ERCC6: variants seen among roughly 807,000 people sequenced by gnomAD.
ERCC6 encodes DNA excision repair protein ERCC-6.
Under a neutral mutation model 158.7 loss-of-function variants are expected in ERCC6, and 116 were observed. The observed-to-expected ratio is 0.73, with a 90% CI of 0.63 to 0.85. The LOEUF (loss-of-function observed/expected upper bound fraction) is 0.85, where lower values mean the gene tolerates loss of function less well. Ranked by LOEUF, ERCC6 falls within the 40% of genes least tolerant of loss-of-function variation. The pLI, the probability that ERCC6 is intolerant of heterozygous loss-of-function variation, is 0.00. For synonymous variants in ERCC6, 678 were observed against 659.3 expected, an observed-to-expected ratio of 1.03 and a Z score of -0.43; for missense variants, 1,698 against 1,799.4, an observed-to-expected ratio of 0.94 and a Z score of 1.02.
At chr10:49,447,633 G>T in the ERCC6 span, among the ~76,000 whole-genome samples, 1 of 152,092 alleles carries the variant, frequency 6.6e-6, no homozygotes, top group Admixed American at 6.5e-5. Flanking sequence ...GAACCTGGGA[G>T]GTGGAGCTTG....
chr10:49,474,790 G>A lies in ERCC6; in HGVS notation c.2383-548C>T, dbSNP rs866222553. Among the ~76,000 whole-genome samples the A allele has an allele frequency of 3.9e-5, 6 of 152,234 alleles. No individual in the cohort carries two copies. In the South Asian group the frequency reaches 6.2e-4, roughly 16 times the overall value. On this transcript the variant is annotated intron_variant, in intron 12 of 20. Transcript: ENST00000355832. ...GAAAAATGCACGAATAGGAATGCAC[G>A]AATGGGAAAGATATGGTCCATGCAG...
chr10:49,471,099 C>G lies in ERCC6; in HGVS notation c.2946G>C (p.Leu982Phe). 1 of 1,613,654 alleles carries G rather than the reference C, an allele frequency of 6.2e-7. No individual in the cohort carries two copies. The highest frequency in any genetic ancestry group is 2.2e-5 in the East Asian group (1 of 44,856). The change falls in exon 17 of 21, where the codon TTG (leucine) becomes TTC (phenylalanine). Residue 982 changes from leucine (L) to phenylalanine (F), a missense_variant. Leu to Phe is a conservative substitution (Grantham distance 22). Transcript: ENST00000355832. ...IYHRQIFKQF[L>F]TNRVLKDPKQ... is the part of the protein sequence containing the mutation. Reference sequence around the variant, plus strand: ...TTGGGTCTTTTAGCACTCTATTTGTCAAAAACTGCTTGAAGATTTGTCTAA... The same window carrying G: ...TTGGGTCTTTTAGCACTCTATTTGTGAAAAACTGCTTGAAGATTTGTCTAA...
rs115446859 is a variant in ERCC6, at chr10:49,512,510, G to A, written c.1398-6498C>T. ...ATTTTTATAGATATTTTATCATTAA[G>A]TGGGCCTTAAGCTTATTTTAAAAAA... On this transcript the variant is annotated intron_variant, in intron 5 of 20. Coordinates refer to ENST00000355832, the MANE Select transcript of ERCC6 (RefSeq NM_000124.4). Among the ~76,000 whole-genome samples the A allele has an allele frequency of 3.7e-3, 567 of 152,278 alleles. 6 individuals carry two copies. Among genetic ancestry groups the A allele is most frequent in the African/African-American group, 0.013 (549 of 41,534 alleles).
At chr10:49,503,090 A>G (rs1302469453) in intron 6 of ERCC6, 1 of 152,136 alleles carries the variant, frequency 6.6e-6, no homozygotes, top group Admixed American at 6.6e-5. Context: ...CTAGTGTATT[A>G]CTCCTACACC....
chr10:49,482,567 C>T (rs1274497639), intron 10 of ERCC6, 120 bp downstream of exon 10: 1 of 627,236 alleles, frequency 1.6e-6, no homozygotes. Context: ...TAACCAGATA[C>T]CAATTTATGA....
At chr10:49,535,817 A>G (rs944471738) in intron 1 of ERCC6, among the ~76,000 whole-genome samples, 2 of 151,620 alleles carry the variant, frequency 1.3e-5, no homozygotes, top group East Asian at 2.0e-4. Context: ...ATGGGTCACC[A>G]TTTACCTTGG....
chr10:49,529,773 T>C (rs990633023), intron 3 of ERCC6, among the ~76,000 whole-genome samples: 2 of 152,156 alleles, frequency 1.3e-5, no homozygotes, highest in African/African-American at 2.4e-5. Context: ...ATGGCAGAAC[T>C]GAAATGGTTA....
chr10:49,459,069 C>T lies in ERCC6; in HGVS notation c.4228G>A (p.Gly1410Arg), dbSNP rs4253229. ...ILPERLESES[G>R]HLQEASALLP... is the part of the protein sequence containing the mutation. Reference sequence around the variant, plus strand: ...AGGGCAGAAGCTTCCTGCAGGTGCCCGCTTTCACTTTCTAAACGCTCTGGC... The same window carrying T: ...AGGGCAGAAGCTTCCTGCAGGTGCCTGCTTTCACTTTCTAAACGCTCTGGC... The change falls in exon 21 of 21, where the codon GGG becomes AGG. Residue 1410 changes from glycine (G) to arginine (R), a missense_variant. Physicochemically the swap from Gly to Arg is moderately radical, Grantham distance 125. Coordinates refer to ENST00000355832, the MANE Select transcript of ERCC6 (RefSeq NM_000124.4). 4.2e-5 allele frequency: 67 copies of T among 1,614,138 alleles called. No individual in the cohort carries two copies. The Middle Eastern group carries it at 4.9e-4, about 12-fold the overall frequency.
chr10:49,437,220 C>T, the ERCC6 span, among the ~76,000 whole-genome samples: 14 of 152,260 alleles, frequency 9.2e-5, no homozygotes, highest in African/African-American at 2.6e-4. Flanking sequence ...TGAAGCCTCC[C>T]CAGCCATGTG....
chr10:49,528,474 G>C lies in ERCC6; in HGVS notation c.595C>G (p.Leu199Val), dbSNP rs886047039. 1.2e-6 allele frequency: 2 copies of C among 1,614,060 alleles called. No individual in the cohort carries two copies. The highest frequency in any genetic ancestry group is 1.7e-5 in the Admixed American group (1 of 60,008). ...TCAATTTTCACCTCTGCTCCTCCAA[G>C]GATGGCCTGGAGATGCTTTTGTTTT... ...TAKQKHLQAILGGAEVKIELD... is the reference protein window; with the variant it reads ...TAKQKHLQAIVGGAEVKIELD... The change falls in exon 4 of 21, where the codon CTT becomes GTT. Residue 199 changes from leucine to valine, a missense_variant. Coordinates refer to ENST00000355832, the MANE Select transcript of ERCC6 (RefSeq NM_000124.4).
In ERCC6 at chr10:49,537,869, T is replaced by C. The variant is rs578094376; in HGVS notation, c.-15+1093A>G. On this transcript the variant is annotated intron_variant, in intron 1 of 20. Coordinates refer to ENST00000355832, the MANE Select transcript of ERCC6 (RefSeq NM_000124.4). Reference sequence around the variant, plus strand: ...TCCCGATTAGCTGGGATTACAGGCATATGCCATCATGCCCGGCTAATTTTT... The same window carrying C: ...TCCCGATTAGCTGGGATTACAGGCACATGCCATCATGCCCGGCTAATTTTT... Among the ~76,000 whole-genome samples the C allele has an allele frequency of 1.8e-4, 27 of 152,310 alleles. 2 individuals carry two copies. In the Middle Eastern group the frequency reaches 0.017, roughly 96 times the overall value.
intron 5 of ERCC6, chr10:49,516,494 A>G: frequency 6.2e-7 from 1 of 1,614,202 alleles, no homozygotes. Context: ...CATTATGCAC[A>G]TCTGTTCTTT....
chr10:49,461,230 C>G, intron 19 of ERCC6, 122 bp downstream of exon 19: 1 of 1,053,654 alleles, frequency 9.5e-7, no homozygotes, highest in Non-Finnish European at 1.4e-6. Flanking sequence ...CTGCTATAAT[C>G]CCTCCCTGGG....
chr10:49,534,807 T>C (rs1228756311), intron 1 of ERCC6, among the ~76,000 whole-genome samples: 1 of 152,232 alleles, frequency 6.6e-6, no homozygotes, highest in Non-Finnish European at 1.5e-5. Context: ...TTCTGTTAAA[T>C]GACAAGTTCC....
At chr10:49,529,162 C>G (rs550390439) in intron 3 of ERCC6, among the ~76,000 whole-genome samples, 1 of 152,292 alleles carries the variant, frequency 6.6e-6, no homozygotes, top group South Asian at 2.1e-4. Flanking sequence ...CTGGGGAGGC[C>G]CAATGAACTG....
chr10:49,517,087 TTTC>T, intron 5 of ERCC6: 1 of 1,602,640 alleles, frequency 6.2e-7, no homozygotes, highest in Non-Finnish European at 8.5e-7. Context: ...AGGTCAGTTA[TTTC>T]ATGTAAACTT....
intron 8 of ERCC6, among the ~76,000 whole-genome samples, chr10:49,490,588 C>T (rs982615987): frequency 4.6e-5 from 7 of 152,092 alleles, no homozygotes; most frequent in African/African-American, 1.7e-4. Context: ...CCCCTGACCT[C>T]GTGATCCACC....
At chr10:49,466,344 G>C (rs973194267) in intron 18 of ERCC6, among the ~76,000 whole-genome samples, 1 of 152,122 alleles carries the variant, frequency 6.6e-6, no homozygotes, top group African/African-American at 2.4e-5. Flanking sequence ...ATGTATCCTA[G>C]GATTGACAAG....
chr10:49,471,881 C>T (rs1850787649), intron 16 of ERCC6, among the ~76,000 whole-genome samples: 1 of 152,158 alleles, frequency 6.6e-6, no homozygotes, highest in Admixed American at 6.5e-5. Flanking sequence ...GTTGAAGTTA[C>T]CACTGTCTAA....
Sources: gnomAD v4.1 joint callset for allele counts (sites outside exome capture counted in the v4.1 genomes callset) on GRCh38, gnomAD v4.1.1 for gene constraint, MANE v1.5 for transcripts, NCBI Gene and HGNC (gene_info 2026-07-23, HGNC 2026-07-21) for gene names.